Variants in PTPRQ observed in about 807,000 individuals in gnomAD.
PTPRQ encodes the protein phosphatidylinositol phosphatase PTPRQ.
Under a neutral mutation model 246.0 loss-of-function variants are expected in PTPRQ, and 199 were observed. The observed-to-expected ratio is 0.81, with a 90% CI of 0.72 to 0.91. The LOEUF (loss-of-function observed/expected upper bound fraction) is 0.91. PTPRQ is among the 40% of genes least tolerant of loss of function. The probability of loss-of-function intolerance (pLI) is 0.00; values close to 1 mark genes in which losing one functional copy is unlikely to be tolerated. For synonymous variants in PTPRQ, 869 were observed against 853.2 expected (o/e 1.02, Z -0.32); for missense variants, 2,624 against 2,528.4 (o/e 1.04, Z -0.81).
At position 80,478,471 on chromosome 12, in the gene PTPRQ, G is replaced by A. The variant is rs1308346506; in HGVS notation, c.1187-5962G>A. On this transcript the variant is annotated intron_variant, in intron 8 of 44. Coordinates refer to ENST00000644991, the MANE Select transcript of PTPRQ (RefSeq NM_001145026.2). ...AACTGGAAACTCTAAAAAGCAGAGCGCCTCTCCTCCTCCAAAGGAATGCAG... is the reference window on the plus strand; with the variant it reads ...AACTGGAAACTCTAAAAAGCAGAGCACCTCTCCTCCTCCAAAGGAATGCAG... Among the ~76,000 whole-genome samples the A allele has an allele frequency of 5.3e-5, 8 of 151,934 alleles. No individual in the cohort carries two copies. In the East Asian group the frequency reaches 7.7e-4, roughly 15 times the overall value.
intron 26 of PTPRQ, among the ~76,000 whole-genome samples, chr12:80,603,661 C>T (rs1166192238): frequency 6.6e-6 from 1 of 151,482 alleles, no homozygotes; most frequent in Admixed American, 6.6e-5. Flanking sequence ...AGCAATACAA[C>T]TCTATCTGTC....
chr12:80,474,708 T>C (rs913274349), intron 8 of PTPRQ, among the ~76,000 whole-genome samples: 1 of 152,178 alleles, frequency 6.6e-6, no homozygotes, highest in Non-Finnish European at 1.5e-5. Context: ...CTGATGAATA[T>C]AACATAGGCA....
At chr12:80,507,148 A>G (rs1165377898) in intron 16 of PTPRQ, among the ~76,000 whole-genome samples, 4 of 151,942 alleles carry the variant, frequency 2.6e-5, no homozygotes, top group Non-Finnish European at 5.9e-5. Context: ...ACAAGATGCT[A>G]TTCCCCAAAG....
intron 17 of PTPRQ, among the ~76,000 whole-genome samples, chr12:80,529,354 T>C (rs1895779454): frequency 6.6e-6 from 1 of 152,134 alleles, no homozygotes; most frequent in Admixed American, 6.6e-5. Flanking sequence ...TGAAAATAAA[T>C]TCACAAAAAT....
chr12:80,670,599 C>T (rs906871304), intron 42 of PTPRQ, 107 bp downstream of exon 42: 22 of 1,373,248 alleles, frequency 1.6e-5, no homozygotes, highest in African/African-American at 3.0e-5. Flanking sequence ...TCCAGCTTGC[C>T]GTCTTCAGAG....
At position 80,539,828 on chromosome 12, in the gene PTPRQ, CA is replaced by C; in HGVS notation, c.3040del (p.Ile1014LeufsTer2). 7 of 1,548,096 alleles carry C rather than the reference CA, an allele frequency of 4.5e-6. No homozygotes were observed. The highest frequency in any genetic ancestry group is 6.1e-6 in the Non-Finnish European group (7 of 1,145,612). ...GACTTTGACAATATGACTGTATCCA[CA>C]ATTATAGATAAACTGACAATATTCA... is the stretch of plus-strand genomic sequence containing the variant. Reference protein sequence around the residue: ...TNDFDNMTVSTIIDKLTIFSY... With the variant: ...TNDFDNMTVSXIIDKLTIFSY... On this transcript the variant is annotated frameshift_variant, in exon 20 of 45. Coordinates refer to ENST00000644991, the MANE Select transcript of PTPRQ (RefSeq NM_001145026.2). LOFTEE classifies it high-confidence loss of function.
chr12:80,492,605 T>C (rs1467845822), intron 9 of PTPRQ, among the ~76,000 whole-genome samples: 1 of 151,984 alleles, frequency 6.6e-6, no homozygotes, highest in Non-Finnish European at 1.5e-5. Flanking sequence ...ATCCATAATC[T>C]GTTCCTGATG....
At chr12:80,584,894 CTAAAGA>C (rs1321701964) in intron 25 of PTPRQ, among the ~76,000 whole-genome samples, 1 of 151,356 alleles carries the variant, frequency 6.6e-6, no homozygotes, top group East Asian at 1.9e-4. Flanking sequence ...TTTTTTTTCC[CTAAAGA>C]TAGTGTTTTC....
intron 33 of PTPRQ, among the ~76,000 whole-genome samples, chr12:80,626,898 G>A (rs1899222655): frequency 6.6e-6 from 1 of 152,012 alleles, no homozygotes; most frequent in Non-Finnish European, 1.5e-5. Flanking sequence ...TTGCTTTTGT[G>A]TTTAGAGATA....
chr12:80,468,311 T>C (rs1295988696), intron 6 of PTPRQ, among the ~76,000 whole-genome samples: 1 of 152,156 alleles, frequency 6.6e-6, no homozygotes, highest in Non-Finnish European at 1.5e-5. Flanking sequence ...CCTGTGTTAA[T>C]AAGAGAGAAA....
At chr12:80,639,307 C>T (rs993595793) in intron 35 of PTPRQ, among the ~76,000 whole-genome samples, 8 of 152,038 alleles carry the variant, frequency 5.3e-5, no homozygotes, top group South Asian at 2.1e-4. Flanking sequence ...TTTCTTATGC[C>T]GACTAAATCA....
rs1893132046 is a variant in PTPRQ at position 80,460,658 on chromosome 12, T to A, written c.666T>A (p.Asn222Lys). ...GATCTTATTTTATTTACTAGGAGAA[T>A]AGTGAATCTTTTTTATGGAGTACAG... ...LTGKLPECNE[N>K]SESFLWSTAS... The change falls in exon 6 of 45, where the codon AAT becomes AAA. Residue 222 changes from asparagine (N) to lysine (K), a missense_variant. Coordinates refer to ENST00000644991, the MANE Select transcript of PTPRQ (RefSeq NM_001145026.2). 1 of 398,634 alleles carries A rather than the reference T, an allele frequency of 2.5e-6. No homozygotes were observed. Among genetic ancestry groups the A allele is most frequent in the Non-Finnish European group, 4.4e-6 (1 of 226,042 alleles). The allele number at this position is 398,634 out of a possible 1,614,324, so 24.7% of individuals were successfully genotyped here.
At chr12:80,592,520 C>G (rs1897832549) in intron 26 of PTPRQ, among the ~76,000 whole-genome samples, 1 of 151,842 alleles carries the variant, frequency 6.6e-6, no homozygotes, top group African/African-American at 2.4e-5. Context: ...GGTGAAATAA[C>G]ATAAGAATAA....
intron 25 of PTPRQ, among the ~76,000 whole-genome samples, chr12:80,560,240 T>G (rs1896785520): frequency 6.6e-6 from 1 of 152,164 alleles, no homozygotes; most frequent in South Asian, 2.1e-4. Flanking sequence ...GCTCTTTGAT[T>G]TTGTCAAAGA....
At position 80,535,041 on chromosome 12, in the gene PTPRQ, A is replaced by G; in HGVS notation, c.2985+4A>G. The stretch of plus-strand genomic sequence containing the variant: ...TACTTCAGGTACTTTTATGCAGGTA[A>G]GAACTGAATTTTCTTCTAGTTCTTT... On this transcript the variant is annotated splice_donor_region_variant and intron_variant, in intron 19 of 44. Transcript: ENST00000644991. 1 of 1,505,464 alleles carries G rather than the reference A, an allele frequency of 6.6e-7. No individual in the cohort carries two copies. The highest frequency in any genetic ancestry group is 1.4e-5 in the South Asian group (1 of 73,432). 93.3% of individuals were successfully genotyped at this position (1,505,464 alleles called of 1,614,324 possible).
rs1311043710 is a variant in PTPRQ, at chr12:80,644,095, T to C, written c.5916-4802T>C. Among the ~76,000 whole-genome samples the C allele has an allele frequency of 2.0e-5, 3 of 152,190 alleles. No individual in the cohort carries two copies. The East Asian group carries it at 5.8e-4, about 29-fold the overall frequency. ...TTAATTCCCTATAGATTTCAACTAA[T>C]TGACCTTGAGGGAAAGCTGAGTCTC... On this transcript the variant is annotated intron_variant, in intron 35 of 44. Transcript: ENST00000644991.
chr12:80,604,688 G>T (rs530150639), intron 26 of PTPRQ, among the ~76,000 whole-genome samples: 2 of 151,342 alleles, frequency 1.3e-5, no homozygotes, highest in South Asian at 4.2e-4. Flanking sequence ...CAAATACTAC[G>T]TTTCTGCAAG....
At chr12:80,546,723 A>G in intron 24 of PTPRQ, 26 bp downstream of exon 24, 1 of 1,541,406 alleles carries the variant, frequency 6.5e-7, no homozygotes, top group Non-Finnish European at 8.7e-7. Flanking sequence ...TGAGCCTAAA[A>G]TGTTTCTTTT....
intron 17 of PTPRQ, among the ~76,000 whole-genome samples, chr12:80,511,055 T>G (rs1895111573): frequency 6.6e-6 from 1 of 152,146 alleles, no homozygotes; most frequent in African/African-American, 2.4e-5. Context: ...CCTCTTTAGA[T>G]TCACCAATTA....
Sources: allele counts gnomAD v4.1 joint callset (sites outside exome capture counted in the v4.1 genomes callset), GRCh38; gene constraint gnomAD v4.1.1; transcripts MANE v1.5; gene names NCBI Gene and HGNC (gene_info 2026-07-23, HGNC 2026-07-21).